Variants in TEX36 observed in about 807,000 individuals in gnomAD.
TEX36 encodes the protein testis-expressed protein 36.
A neutral mutation model predicts 13.6 loss-of-function variants in TEX36; 12 were observed. The observed-to-expected ratio is 0.88, with a 90% CI of 0.56 to 1.43. TEX36 has a LOEUF of 1.43. TEX36 is among the 40% of genes most tolerant of loss of function. TEX36 has a pLI of 0.00. For synonymous variants in TEX36, 93 were observed against 83.0 expected (o/e 1.12, Z -0.65); for missense variants, 224 against 228.3 (o/e 0.98, Z 0.12).
intron 1 of TEX36, chr10:125,666,932 G>A: frequency 6.3e-6 from 4 of 630,292 alleles, no homozygotes; most frequent in Non-Finnish European, 1.1e-5. Flanking sequence ...CAGTCTCACT[G>A]CTTGGGGTGT....
intron 1 of TEX36, among the ~76,000 whole-genome samples, chr10:125,671,372 A>G (rs1466182528): frequency 1.3e-5 from 2 of 152,044 alleles, no homozygotes; most frequent in African/African-American, 4.8e-5. Context: ...GGTCTTTTCT[A>G]TGTCTATTGA....
At chr10:125,627,379 G>A (rs1026114476) in intron 3 of TEX36, among the ~76,000 whole-genome samples, 1 of 152,028 alleles carries the variant, frequency 6.6e-6, no homozygotes, top group African/African-American at 2.4e-5. Flanking sequence ...GGGATTCCTA[G>A]GGCAGTATTC....
chr10:125,605,704 C>A (rs1033090862), intron 3 of TEX36, among the ~76,000 whole-genome samples: 2 of 152,142 alleles, frequency 1.3e-5, no homozygotes, highest in Non-Finnish European at 2.9e-5. Flanking sequence ...TGGGTTCAAG[C>A]GATTCTCCTG....
chr10:125,637,949 T>A (rs1260579163), intron 3 of TEX36, among the ~76,000 whole-genome samples: 1 of 149,254 alleles, frequency 6.7e-6, no homozygotes, highest in Non-Finnish European at 1.5e-5. Flanking sequence ...CCGGGCCCCC[T>A]CCAACTTCCC....
At chr10:125,617,855 T>C (rs984627107), downstream of TEX36, among the ~76,000 whole-genome samples, 74 of 151,364 alleles carry the variant, frequency 4.9e-4, no homozygotes, top group African/African-American at 1.7e-3. Flanking sequence ...TTGGGGAAGT[T>C]CTCCTGGATA....
downstream of TEX36, among the ~76,000 whole-genome samples, chr10:125,653,631 T>C (rs1290333331): frequency 6.6e-6 from 1 of 151,748 alleles, no homozygotes; most frequent in Non-Finnish European, 1.5e-5. Context: ...GAACTTAAAG[T>C]ATAATAATAA....
chr10:125,636,475 A>T (rs920601835), intron 3 of TEX36, among the ~76,000 whole-genome samples: 1 of 151,950 alleles, frequency 6.6e-6, no homozygotes. Context: ...CGGCCTCCCA[A>T]AGTGCTAGGA....
chr10:125,601,400 C>T (rs1225995149), intron 3 of TEX36, among the ~76,000 whole-genome samples: 1 of 152,244 alleles, frequency 6.6e-6, no homozygotes, highest in East Asian at 1.9e-4. Flanking sequence ...ACCTTTTAGC[C>T]ATATAGCCCC....
chr10:125,638,477 A>T (rs1846646243), intron 3 of TEX36, among the ~76,000 whole-genome samples: 1 of 152,046 alleles, frequency 6.6e-6, no homozygotes, highest in Non-Finnish European at 1.5e-5. Context: ...TTCCCCCTGG[A>T]CCCCCAGAAG....
intron 3 of TEX36, among the ~76,000 whole-genome samples, chr10:125,586,633 TCCAAAA>T (rs1232497307): frequency 7.7e-5 from 6 of 77,428 alleles, no homozygotes; most frequent in African/African-American, 2.3e-4. Context: ...CTACTAAAAA[TCCAAAA>T]AAAAAAAAAA....
intron 3 of TEX36, among the ~76,000 whole-genome samples, chr10:125,623,395 C>T (rs1463247027): frequency 6.6e-6 from 1 of 152,112 alleles, no homozygotes. Context: ...CAGAAACAAT[C>T]GTTTACTGGC....
exon 4 of TEX36, chr10:125,576,819 T>C: frequency 6.5e-7 from 1 of 1,536,090 alleles, no homozygotes; most frequent in Non-Finnish European, 8.7e-7. Flanking sequence ...CACCGGCTCA[T>C]AGAACTCTTG....
At chr10:125,617,933 G>A (rs1453783118), downstream of TEX36, among the ~76,000 whole-genome samples, 1 of 151,818 alleles carries the variant, frequency 6.6e-6, no homozygotes, top group Non-Finnish European at 1.5e-5. Context: ...CCAATCAGAT[G>A]TAGATTTGGT....
At chr10:125,653,316 G>T (rs1457939759), downstream of TEX36, among the ~76,000 whole-genome samples, 1 of 152,132 alleles carries the variant, frequency 6.6e-6, no homozygotes, top group African/African-American at 2.4e-5. Context: ...CATAAAAAAG[G>T]ATGAGTTCAT....
At chr10:125,661,377 G>T (rs1231357364) in intron 2 of TEX36, among the ~76,000 whole-genome samples, 1 of 152,180 alleles carries the variant, frequency 6.6e-6, no homozygotes, top group Admixed American at 6.5e-5. Flanking sequence ...ATGGAAAAGT[G>T]TACAGGCTCA....
intron 3 of TEX36, among the ~76,000 whole-genome samples, chr10:125,640,824 A>T (rs1846679001): frequency 6.6e-6 from 1 of 152,130 alleles, no homozygotes; most frequent in African/African-American, 2.4e-5. Context: ...AAAGAGCCTG[A>T]AGGAGAAAAT....
At chr10:125,657,363 T>C (rs1335214675) in intron 3 of TEX36, among the ~76,000 whole-genome samples, 1 of 152,008 alleles carries the variant, frequency 6.6e-6, no homozygotes, top group African/African-American at 2.4e-5. Context: ...AGGGATGTAC[T>C]CCACATAGAT....
chr10:125,632,073 C>T (rs976147026), intron 3 of TEX36, among the ~76,000 whole-genome samples: 10 of 151,962 alleles, frequency 6.6e-5, no homozygotes, highest in South Asian at 2.1e-4. Context: ...AAGGAAATGA[C>T]GAAAGAGACT....
At chr10:125,675,376 C>A (rs1188912603) in intron 1 of TEX36, among the ~76,000 whole-genome samples, 1 of 151,674 alleles carries the variant, frequency 6.6e-6, no homozygotes, top group African/African-American at 2.4e-5. Context: ...CTGCCCCTCT[C>A]CTGGGGAGTT....
Sources: allele counts gnomAD v4.1 joint callset (sites outside exome capture counted in the v4.1 genomes callset), GRCh38; gene constraint gnomAD v4.1.1; transcripts MANE v1.5; gene names NCBI Gene and HGNC (gene_info 2026-07-23, HGNC 2026-07-21).